Variants in TIAM2 observed in about 807,000 individuals in gnomAD.
TIAM2 encodes TIAM Rac1 associated GEF 2.
TIAM2 carries 80 observed loss-of-function variants against 152.9 expected under a neutral mutation model. That is an observed-to-expected ratio of 0.52 (90% confidence interval 0.44 to 0.63). The LOEUF is 0.63. TIAM2 is among the 30% of genes least tolerant of loss of function. TIAM2 has a pLI of 0.00. For synonymous variants in TIAM2, 804 were observed against 838.0 expected, an observed-to-expected ratio of 0.96 and a Z score of 0.70; for missense variants, 1,965 against 2,120.1, an observed-to-expected ratio of 0.93 and a Z score of 1.44.
At chr6:155,126,284 A>G (rs1436543237) in intron 2 of TIAM2, among the ~76,000 whole-genome samples, 2 of 152,236 alleles carry the variant, frequency 1.3e-5, no homozygotes, top group Non-Finnish European at 2.9e-5. Flanking sequence ...ATAGAGGCAG[A>G]AAGTAGAATG....
Position 155,183,496 on chromosome 6 carries a change from C to T in TIAM2, c.3060C>T (p.Ala1020=). The change falls in exon 14 of 27, where the codon GCC becomes GCT. Residue 1020 remains alanine (A), a synonymous_variant. Transcript: ENST00000682666. Reference sequence around the variant, plus strand: ...TGGATAACTTTAAAAAGAATACAGCCAATGGTAAGGCTTTGTTCTGTCTTC... The same window carrying T: ...TGGATAACTTTAAAAAGAATACAGCTAATGGTAAGGCTTTGTTCTGTCTTC... ...EFLDNFKKNT[A]NDFSNVPDIT... is the part of the protein sequence containing the mutation. 6.2e-7 allele frequency: 1 copy of T among 1,611,648 alleles called. No homozygotes were observed. The highest frequency in any genetic ancestry group is 8.5e-7 in the Non-Finnish European group (1 of 1,179,066).
At position 155,144,593 on chromosome 6, in the gene TIAM2, C is replaced by G; in HGVS notation, c.1631-13C>G. On this transcript the variant is annotated splice_polypyrimidine_tract_variant and intron_variant, in intron 5 of 26. Coordinates refer to ENST00000682666, the MANE Select transcript of TIAM2 (RefSeq NM_012454.4). ...GTCTGACCGGGATGTTATTTTGCTT[C>G]TCTGTTTCACAGGATGCACGCTGCT... is the stretch of plus-strand genomic sequence containing the variant. The G allele has an allele frequency of 6.7e-7, 1 of 1,499,740 alleles. No individual in the cohort carries two copies. The highest frequency in any genetic ancestry group is 8.8e-7 in the Non-Finnish European group (1 of 1,130,568). The allele number at this position is 1,499,740 out of a possible 1,614,324, so 92.9% of individuals were successfully genotyped here. A position where few individuals can be genotyped will look rare whatever the true frequency, so the allele number is the denominator to read the frequency against.
intron 15 of TIAM2, among the ~76,000 whole-genome samples, chr6:155,220,492 C>T (rs117704996): frequency 0.012 from 1,870 of 152,302 alleles, 30 homozygotes; most frequent in Non-Finnish European, 0.014. Context: ...CTTGTGTCTC[C>T]TGATCCTGAT....
chr6:155,028,923 A>C (rs1042894332), intron 1 of TIAM2, among the ~76,000 whole-genome samples: 7 of 116,084 alleles, frequency 6.0e-5, no homozygotes, highest in African/African-American at 2.1e-4. Flanking sequence ...TTATATATAC[A>C]CTGTATATAC....
chr6:154,996,072 G>A (rs912613057), intron 1 of TIAM2, among the ~76,000 whole-genome samples: 1 of 152,236 alleles, frequency 6.6e-6, no homozygotes, highest in African/African-American at 2.4e-5. Context: ...CGGCTCCTGG[G>A]GGGGCTGAGG....
chr6:155,189,144 C>A (rs1167075682), intron 14 of TIAM2, among the ~76,000 whole-genome samples: 1 of 152,132 alleles, frequency 6.6e-6, no homozygotes, highest in Non-Finnish European at 1.5e-5. Context: ...CATTATAGAG[C>A]CAGCTCTGAT....
intron 15 of TIAM2, among the ~76,000 whole-genome samples, chr6:155,215,892 T>C (rs1242839292): frequency 6.6e-6 from 1 of 151,838 alleles, no homozygotes; most frequent in East Asian, 1.9e-4. Flanking sequence ...ACTGCTGCCT[T>C]GACCTCCTGG....
At chr6:155,007,196 C>A (rs559733404) in intron 1 of TIAM2, among the ~76,000 whole-genome samples, 1 of 152,056 alleles carries the variant, frequency 6.6e-6, no homozygotes, top group African/African-American at 2.4e-5. Context: ...TCTCTCTTCC[C>A]GTCTCTTTTC....
intron 1 of TIAM2, among the ~76,000 whole-genome samples, chr6:155,007,855 G>C (rs1328280960): frequency 6.6e-6 from 1 of 152,208 alleles, no homozygotes; most frequent in Non-Finnish European, 1.5e-5. Context: ...GCCATTGCAG[G>C]AGTCTTGGTG....
At chr6:155,095,201 C>G (rs1272404133) in intron 2 of TIAM2, among the ~76,000 whole-genome samples, 2 of 152,160 alleles carry the variant, frequency 1.3e-5, no homozygotes, top group Non-Finnish European at 2.9e-5. Context: ...GAGCCTGTAA[C>G]CTCGTTGACT....
rs745537 is a variant in TIAM2, at chr6:155,220,012, G to T, written c.3168+8705G>T. Among the ~76,000 whole-genome samples, 901 of 152,374 alleles carry T rather than the reference G, an allele frequency of 5.9e-3. 5 individuals carry two copies. The highest frequency in any genetic ancestry group is 0.021 in the African/African-American group (858 of 41,596). On this transcript the variant is annotated intron_variant, in intron 15 of 26. Coordinates refer to ENST00000682666, the MANE Select transcript of TIAM2 (RefSeq NM_012454.4). ...ACAGAGCGTGGCAGGAAGGCAGTGG[G>T]AAGAAACTTGCTGGTGACCTTTCTC...
chr6:155,223,626 A>C (rs1170738417), intron 15 of TIAM2, among the ~76,000 whole-genome samples: 1 of 151,902 alleles, frequency 6.6e-6, no homozygotes, highest in African/African-American at 2.4e-5. Context: ...GGCATTTTGA[A>C]AGTTTTATTT....
intron 14 of TIAM2, among the ~76,000 whole-genome samples, chr6:155,189,027 G>A (rs79321901): frequency 3.3e-5 from 5 of 152,214 alleles, no homozygotes; most frequent in Admixed American, 6.5e-5. Flanking sequence ...TGTGAGTAGC[G>A]TTGAGTCTCA....
In TIAM2 at chr6:155,115,115, A is replaced by C. The variant is rs1254681956; in HGVS notation, c.-117-12375A>C. The stretch of plus-strand genomic sequence containing the variant: ...ATTGCTGGGATTACAGGCGTGAGCC[A>C]CTGGGCCTGGCCAAACCACTCTTTT... On this transcript the variant is annotated intron_variant, in intron 2 of 26. Coordinates refer to ENST00000682666, the MANE Select transcript of TIAM2 (RefSeq NM_012454.4). Among the ~76,000 whole-genome samples, 3 of 151,442 alleles carry C rather than the reference A, an allele frequency of 2.0e-5. No individual in the cohort carries two copies. The East Asian group carries it at 5.8e-4, about 29-fold the overall frequency.
chr6:155,026,501 G>A (rs1253091833), intron 1 of TIAM2, among the ~76,000 whole-genome samples: 1 of 152,146 alleles, frequency 6.6e-6, no homozygotes, highest in Non-Finnish European at 1.5e-5. Context: ...ATCATGTTTC[G>A]AAGGGCATGG....
In TIAM2 at chr6:155,214,759, T is replaced by A. The variant is rs1781811971; in HGVS notation, c.3168+3452T>A. Among the ~76,000 whole-genome samples, 2 of 152,224 alleles carry A rather than the reference T, an allele frequency of 1.3e-5. No individual in the cohort carries two copies. The highest frequency in any genetic ancestry group is 4.1e-4 in the South Asian group (2 of 4,832). ...TAATGAAGCAGTGGATCCTAGAGCATCAAATAGATGTGTTTTGATAGCCTT... is the reference window on the plus strand; with the variant it reads ...TAATGAAGCAGTGGATCCTAGAGCAACAAATAGATGTGTTTTGATAGCCTT... On this transcript the variant is annotated intron_variant, in intron 15 of 26. Transcript: ENST00000682666. This position sits in a 1 kb window ranked among gnomAD's most constrained non-coding sequence, Gnocchi z 5.4.
chr6:155,118,503 A>G (rs1330336020), intron 2 of TIAM2, among the ~76,000 whole-genome samples: 1 of 133,618 alleles, frequency 7.5e-6, no homozygotes, highest in Non-Finnish European at 1.5e-5. Flanking sequence ...CGTGATCTTG[A>G]CTCACCGCAA....
chr6:155,130,238 A>T lies in TIAM2; in HGVS notation c.1015A>T (p.Ile339Phe), dbSNP rs147918987. ...CAACCGTGTCTCTTTTGCTTCCGAC[A>T]TTGATGTGCCCTCCAGAGTGGCACA... is the stretch of plus-strand genomic sequence containing the variant. ...LSNRVSFASD[I>F]DVPSRVAHGD... is the part of the protein sequence containing the mutation. The change falls in exon 4 of 27, where the codon ATT becomes TTT. Residue 339 changes from isoleucine to phenylalanine, a missense_variant. Transcript: ENST00000682666. 6.2e-7 allele frequency: 1 copy of T among 1,614,104 alleles called. No homozygotes were observed. Among genetic ancestry groups the T allele is most frequent in the Non-Finnish European group, 8.5e-7 (1 of 1,180,012 alleles).
chr6:155,087,836 A>G (rs17736997), intron 1 of TIAM2, among the ~76,000 whole-genome samples: 13,238 of 152,156 alleles, frequency 0.087, 756 homozygotes, highest in South Asian at 0.24. Flanking sequence ...TTAAGTAAAT[A>G]TGGAATGTAT....
Sources: gnomAD v4.1 joint callset for allele counts (sites outside exome capture counted in the v4.1 genomes callset) on GRCh38, gnomAD v4.1.1 for gene constraint, Gnocchi (gnomAD v3.1) non-coding constraint, MANE v1.5 for transcripts, NCBI Gene and HGNC (gene_info 2026-07-23, HGNC 2026-07-21) for gene names.